The following SPTBN1 variants were observed in gnomAD, a reference collection of about 807,000 sequenced individuals.
The protein encoded by SPTBN1 is spectrin beta, non-erythrocytic 1.
A neutral mutation model predicts 266.4 loss-of-function variants in SPTBN1; 32 were observed. That is an observed-to-expected ratio of 0.12 (90% CI 0.09 to 0.16). SPTBN1 has a LOEUF of 0.16. SPTBN1 is among the 10% of genes least tolerant of loss of function. The probability of loss-of-function intolerance (pLI) is 1.00; values close to 1 mark genes in which losing one functional copy is unlikely to be tolerated. For synonymous variants in SPTBN1, 1,336 were observed against 1,162.2 expected (o/e 1.15, Z -3.04); for missense variants, 2,296 against 3,067.1 (o/e 0.75, Z 5.94).
At chr2:54,539,781 A>G (rs1364178376) in intron 2 of SPTBN1, among the ~76,000 whole-genome samples, 4 of 152,170 alleles carry the variant, frequency 2.6e-5, no homozygotes, top group African/African-American at 9.7e-5. Context: ...GGCTCAAGAA[A>G]TCAGCCCACG....
At chr2:54,497,670 G>A (rs1669040623) in intron 1 of SPTBN1, among the ~76,000 whole-genome samples, 1 of 152,080 alleles carries the variant, frequency 6.6e-6, no homozygotes, top group Admixed American at 6.6e-5. Context: ...CTCACCCTCA[G>A]TCCTCCAAGC....
rs1312041906 is a variant in SPTBN1 at position 54,644,333 on chromosome 2, A to T, written c.4016A>T (p.Gln1339Leu). Residue 1339 changes from glutamine (Q) to leucine (L), a missense_variant, in exon 20 of 36, where the codon CAG becomes CTG. Physicochemically the swap from Gln to Leu is moderately radical, Grantham distance 113. Transcript: ENST00000356805. ...WLDKIEKEGM[Q>L]LISEKPETEA... Reference sequence around the variant, plus strand: ...GGTTTTGTTTTCCAGGAAGGAATGCAGCTCATTTCAGAAAAGCCTGAGACG... The same window carrying T: ...GGTTTTGTTTTCCAGGAAGGAATGCTGCTCATTTCAGAAAAGCCTGAGACG... The T allele has an allele frequency of 6.2e-7, 1 of 1,607,842 alleles. No homozygotes were observed. Among genetic ancestry groups the T allele is most frequent in the Non-Finnish European group, 8.5e-7 (1 of 1,174,578 alleles).
At chr2:54,564,455 A>G (rs75978812) in intron 2 of SPTBN1, among the ~76,000 whole-genome samples, 3,620 of 152,212 alleles carry the variant, frequency 0.024, 142 homozygotes, top group African/African-American at 0.08. Context: ...AAGTGTCCCC[A>G]TGCAGTTATC....
intron 2 of SPTBN1, among the ~76,000 whole-genome samples, chr2:54,582,723 C>G (rs1484732854): frequency 6.6e-6 from 1 of 152,122 alleles, no homozygotes; most frequent in African/African-American, 2.4e-5. Flanking sequence ...GGGAATCTTA[C>G]TGAGCATTAA....
intron 32 of SPTBN1, chr2:54,660,877 A>T (rs971087577): frequency 2.0e-6 from 2 of 985,282 alleles, no homozygotes; most frequent in African/African-American, 1.7e-5. Context: ...AGCCGTTCTC[A>T]GCATGTTTTA....
chr2:54,567,356 T>C (rs559390785), intron 2 of SPTBN1, among the ~76,000 whole-genome samples: 195 of 148,476 alleles, frequency 1.3e-3, no homozygotes, highest in Non-Finnish European at 2.5e-3. Flanking sequence ...TATTTATTTA[T>C]TTTTGGAAAC....
At chr2:54,661,348 A>G in intron 32 of SPTBN1, 1 of 985,842 alleles carries the variant, frequency 1.0e-6, no homozygotes, top group Non-Finnish European at 1.2e-6. Flanking sequence ...CTTTTGCCAT[A>G]TTTAGATGTG....
intron 28 of SPTBN1, among the ~76,000 whole-genome samples, chr2:54,655,707 C>G (rs770611955): frequency 6.6e-6 from 1 of 152,232 alleles, no homozygotes; most frequent in Non-Finnish European, 1.5e-5. Flanking sequence ...GCAGGGCTTC[C>G]GCGCCTTCCT....
At position 54,521,115 on chromosome 2, in the gene SPTBN1, A is replaced by G. The variant is rs1036386012; in HGVS notation, c.-47-5257A>G. Among the ~76,000 whole-genome samples the G allele has an allele frequency of 4.6e-5, 7 of 152,298 alleles. No homozygotes were observed. The South Asian group carries it at 1.2e-3, about 27-fold the overall frequency. On this transcript the variant is annotated intron_variant, in intron 1 of 35. Transcript: ENST00000356805. ...TTAGATAACCTCCTGGGACACCTGT[A>G]TGTGTGATATAAACTGTCCTCACAG...
chr2:54,626,296 A>T lies in SPTBN1; in HGVS notation c.1644+62A>T. 1 of 1,534,958 alleles carries T rather than the reference A, an allele frequency of 6.5e-7. No homozygotes were observed. The highest frequency in any genetic ancestry group is 1.4e-5 in the African/African-American group (1 of 73,030). On this transcript the variant is annotated intron_variant, in intron 12 of 35. Transcript: ENST00000356805. The surrounding 1 kb of genome is among the most constrained non-coding windows in gnomAD (Gnocchi z 4.7). Reference sequence around the variant, plus strand: ...TCCAACCAGGGCTCTCTTTTCTGTGACTCATTCACTAAACCCCTACGTACA... The same window carrying T: ...TCCAACCAGGGCTCTCTTTTCTGTGTCTCATTCACTAAACCCCTACGTACA...
At chr2:54,596,800 T>C (rs1248113371) in intron 2 of SPTBN1, among the ~76,000 whole-genome samples, 1 of 152,224 alleles carries the variant, frequency 6.6e-6, no homozygotes, top group Non-Finnish European at 1.5e-5. Context: ...CTCTGTTCTC[T>C]GCACCCACCC....
intron 1 of SPTBN1, among the ~76,000 whole-genome samples, chr2:54,497,084 T>C (rs530801226): frequency 1.2e-4 from 18 of 152,324 alleles, no homozygotes; most frequent in African/African-American, 4.1e-4. Flanking sequence ...AACATGAAGA[T>C]ACGAAATCTG....
In SPTBN1 at chr2:54,645,894, G is replaced by C; in HGVS notation, c.4495-34G>C. On this transcript the variant is annotated intron_variant, in intron 21 of 35. Coordinates refer to ENST00000356805, the MANE Select transcript of SPTBN1 (RefSeq NM_003128.3). The surrounding 1 kb of genome is among the most constrained non-coding windows in gnomAD (Gnocchi z 4.3). ...TTGTGTCGTATATTTGTTCCTCTGA[G>C]TGGATCTGACCACTTATTTAAAATT... 1.9e-6 allele frequency: 3 copies of C among 1,610,524 alleles called. No homozygotes were observed. The highest frequency in any genetic ancestry group is 2.5e-6 in the Non-Finnish European group (3 of 1,176,942).
intron 1 of SPTBN1, among the ~76,000 whole-genome samples, chr2:54,472,020 A>G (rs1382775748): frequency 1.2e-4 from 6 of 48,496 alleles, no homozygotes; most frequent in South Asian, 6.1e-4. Flanking sequence ...GGCCCTGAAG[A>G]TGTTTTTTTT....
At chr2:54,606,520 G>C (rs1676850117) in intron 3 of SPTBN1, among the ~76,000 whole-genome samples, 1 of 152,168 alleles carries the variant, frequency 6.6e-6, no homozygotes, top group African/African-American at 2.4e-5. Flanking sequence ...AGAAGCCCCT[G>C]CACCTTTCTT....
chr2:54,629,908 C>A lies in SPTBN1; in HGVS notation c.2686C>A (p.Pro896Thr). 6.2e-7 allele frequency: 1 copy of A among 1,614,016 alleles called. No homozygotes were observed. The highest frequency in any genetic ancestry group is 8.5e-7 in the Non-Finnish European group (1 of 1,180,030). The change falls in exon 15 of 36, where the codon CCA becomes ACA. Residue 896 changes from proline to threonine, a missense_variant. This residue lies in a region of SPTBN1 where 434 missense variants were observed against 573.9 expected (regional missense o/e 0.76). Transcript: ENST00000356805. ...CCATTTCAGATTTGAGAGCCTAGAA[C>A]CAGAAATGAACAACCAGGCTTCCCG... ...VIQHRFESLE[P>T]EMNNQASRVA...
rs1678703738 is a variant in SPTBN1 at position 54,631,131 on chromosome 2, C to T, written c.3084C>T (p.Asp1028=). The change falls in exon 16 of 36, where the codon GAC becomes GAT. Residue 1028 remains aspartate, a synonymous_variant. Transcript: ENST00000356805. ...EAEKLESEHP[D]QAQAILSRLA... Reference sequence around the variant, plus strand: ...AGAAGCTGGAGTCCGAGCACCCCGACCAGGCCCAGGCCATCCTGTCTCGGC... The same window carrying T: ...AGAAGCTGGAGTCCGAGCACCCCGATCAGGCCCAGGCCATCCTGTCTCGGC... The T allele has an allele frequency of 1.2e-6, 2 of 1,614,070 alleles. No individual in the cohort carries two copies. The highest frequency in any genetic ancestry group is 1.7e-6 in the Non-Finnish European group (2 of 1,180,038).
intron 1 of SPTBN1, among the ~76,000 whole-genome samples, chr2:54,494,032 A>G (rs912959062): frequency 1.3e-5 from 2 of 152,248 alleles, no homozygotes; most frequent in African/African-American, 4.8e-5. Context: ...ATGCCACTGT[A>G]GAGAGTACAG....
chr2:54,558,428 G>C lies in SPTBN1; in HGVS notation c.148+31862G>C. ...GCTGCGCCCGCGAGCTCCCGGGCTCGGCAACCGTGGCATGCTTAGGATTGG... is the reference window on the plus strand; with the variant it reads ...GCTGCGCCCGCGAGCTCCCGGGCTCCGCAACCGTGGCATGCTTAGGATTGG... On this transcript the variant is annotated intron_variant, in intron 2 of 35. Transcript: ENST00000356805. The surrounding 1 kb of genome is among the most constrained non-coding windows in gnomAD (Gnocchi z 4.6). 2.0e-6 allele frequency: 2 copies of C among 1,020,546 alleles called. No homozygotes were observed. Among genetic ancestry groups the C allele is most frequent in the African/African-American group, 1.7e-5 (1 of 58,566 alleles). 63.2% of individuals were successfully genotyped at this position (1,020,546 alleles called of 1,614,324 possible). A position where few individuals can be genotyped will look rare whatever the true frequency, so the allele number is the denominator to read the frequency against.
Sources: allele counts gnomAD v4.1 joint callset (sites outside exome capture counted in the v4.1 genomes callset), GRCh38; gene constraint gnomAD v4.1.1; regional missense constraint gnomAD v4.1.1; non-coding constraint Gnocchi (gnomAD v3.1); transcripts MANE v1.5; gene names NCBI Gene and HGNC (gene_info 2026-07-23, HGNC 2026-07-21).